NAALAD2: variants seen among roughly 807,000 people sequenced by gnomAD.
NAALAD2 encodes the protein N-acetylated alpha-linked acidic dipeptidase 2.
In NAALAD2, 89 loss-of-function variants were observed where a neutral mutation model predicts 95.6. The ratio of observed to expected loss-of-function variants is 0.93; its 90% CI spans 0.78 to 1.11. The LOEUF (loss-of-function observed/expected upper bound fraction) is 1.11. Among genes scored for constraint, NAALAD2 ranks in the 50% least tolerant of loss-of-function variants. The probability of loss-of-function intolerance (pLI) is 0.00; values close to 1 mark genes in which losing one functional copy is unlikely to be tolerated. For synonymous variants in NAALAD2, 264 were observed against 294.4 expected, an observed-to-expected ratio of 0.90 and a Z score of 1.06; for missense variants, 894 against 872.4, an observed-to-expected ratio of 1.02 and a Z score of -0.31.
At chr11:90,139,066 G>A (rs1455806713) in intron 2 of NAALAD2, among the ~76,000 whole-genome samples, 19 of 152,016 alleles carry the variant, frequency 1.2e-4, no homozygotes, top group Admixed American at 1.2e-3. Context: ...GTGTTTGGGG[G>A]TAAGTAGACT....
chr11:90,148,600 A>C (rs1480674179), intron 3 of NAALAD2, among the ~76,000 whole-genome samples: 1 of 152,192 alleles, frequency 6.6e-6, no homozygotes, highest in African/African-American at 2.4e-5. Context: ...TCTGATACTT[A>C]ATGAAGTGTC....
At chr11:90,178,914 A>G (rs966262921) in intron 16 of NAALAD2, among the ~76,000 whole-genome samples, 5 of 152,150 alleles carry the variant, frequency 3.3e-5, no homozygotes, top group South Asian at 2.1e-4. Flanking sequence ...TGCATCTCCT[A>G]TACAGCAAGG....
chr11:90,188,785 G>T (rs913505157), intron 18 of NAALAD2, among the ~76,000 whole-genome samples: 4 of 152,174 alleles, frequency 2.6e-5, no homozygotes, highest in African/African-American at 9.7e-5. Flanking sequence ...AGGCAAATAA[G>T]TAATAAATCC....
intron 14 of NAALAD2, 119 bp from the exon 15 acceptor site, chr11:90,175,853 A>G (rs1952774500): frequency 1.1e-5 from 5 of 473,654 alleles, no homozygotes; most frequent in Non-Finnish European, 1.8e-5. Context: ...TTATAAATGT[A>G]ATATATAATT....
chr11:90,150,555 GTAC>G lies in NAALAD2; in HGVS notation c.559_561del (p.Thr187del). ...CTAGAAAGAGAGATGGGCATCAACT[GTAC>G]TGGGAAGATTGTTATTGCAAGATAT... is the stretch of plus-strand genomic sequence containing the variant. On this transcript the variant is annotated inframe_deletion, in exon 5 of 19. Transcript: ENST00000534061. 6.2e-7 allele frequency: 1 copy of G among 1,608,046 alleles called. No individual in the cohort carries two copies. The highest frequency in any genetic ancestry group is 8.5e-7 in the Non-Finnish European group (1 of 1,175,600).
At chr11:90,144,105 T>C (rs768897486) in intron 2 of NAALAD2, among the ~76,000 whole-genome samples, 6 of 152,072 alleles carry the variant, frequency 3.9e-5, no homozygotes, top group Non-Finnish European at 8.8e-5. Flanking sequence ...GAACATCACT[T>C]GAAGAGAGAT....
chr11:90,191,926 A>G lies in NAALAD2; in HGVS notation c.*179A>G, dbSNP rs1458958436. ...TTTTGCTCTTTAAAAGTTAATAATT[A>G]TATTAGCAAAGTGTTAATCTAATGA... On this transcript the variant is annotated 3_prime_UTR_variant, in exon 19 of 19. Coordinates refer to ENST00000534061, the MANE Select transcript of NAALAD2 (RefSeq NM_005467.4). 3 of 381,046 alleles carry G rather than the reference A, an allele frequency of 7.9e-6. No individual in the cohort carries two copies. Among genetic ancestry groups the G allele is most frequent in the African/African-American group, 4.2e-5 (2 of 48,148 alleles). The allele number at this position is 381,046 out of a possible 1,614,324, so 23.6% of individuals were successfully genotyped here.
At chr11:90,173,137 A>T (rs116387645) in intron 13 of NAALAD2, among the ~76,000 whole-genome samples, 2 of 152,180 alleles carry the variant, frequency 1.3e-5, no homozygotes, top group Admixed American at 1.3e-4. Context: ...CAAGGCAAGT[A>T]TAAGTTTGTA....
intron 9 of NAALAD2, 58 bp downstream of exon 9, chr11:90,163,092 AGAT>A: frequency 7.4e-7 from 1 of 1,350,396 alleles, no homozygotes. Flanking sequence ...GGGTAAGTAA[AGAT>A]AAATTGTAGT....
At chr11:90,133,322 A>G (rs1295936737), upstream of NAALAD2, among the ~76,000 whole-genome samples, 1 of 152,184 alleles carries the variant, frequency 6.6e-6, no homozygotes, top group African/African-American at 2.4e-5. Flanking sequence ...GATGAAGGCT[A>G]TTTACAATGG....
intron 18 of NAALAD2, among the ~76,000 whole-genome samples, chr11:90,188,307 TTAAAA>T (rs569331738): frequency 5.4e-4 from 83 of 152,336 alleles, no homozygotes; most frequent in African/African-American, 1.9e-3. Context: ...TGTACATATT[TTAAAA>T]TAAAATGTTA....
At position 90,150,557 on chromosome 11, in the gene NAALAD2, A is replaced by G. The variant is rs1951863141; in HGVS notation, c.559A>G (p.Thr187Ala). ...AGAAAGAGAGATGGGCATCAACTGT[A>G]CTGGGAAGATTGTTATTGCAAGATA... ...KLEREMGINCTGKIVIARYGK... is the reference protein window; with the variant it reads ...KLEREMGINCAGKIVIARYGK... Residue 187 changes from threonine to alanine, a missense_variant, in exon 5 of 19, where the codon ACT becomes GCT. By Grantham distance (58) the Thr-to-Ala change is moderately conservative. Transcript: ENST00000534061. 3.7e-6 allele frequency: 6 copies of G among 1,608,610 alleles called. No individual in the cohort carries two copies. Among genetic ancestry groups the G allele is most frequent in the Non-Finnish European group, 5.1e-6 (6 of 1,175,894 alleles).
chr11:90,161,532 G>T (rs944395825), intron 8 of NAALAD2, among the ~76,000 whole-genome samples: 2 of 152,136 alleles, frequency 1.3e-5, no homozygotes, highest in Non-Finnish European at 2.9e-5. Context: ...TCTCCTCCCT[G>T]TGGAGCCTGC....
At chr11:90,169,219 A>G (rs554602339) in intron 12 of NAALAD2, 2 of 372,410 alleles carry the variant, frequency 5.4e-6, no homozygotes, top group Non-Finnish European at 9.5e-6. Flanking sequence ...TAACTAAGCT[A>G]TTGCTTTTAA....
At chr11:90,143,061 C>A (rs889723847) in intron 2 of NAALAD2, among the ~76,000 whole-genome samples, 1 of 151,894 alleles carries the variant, frequency 6.6e-6, no homozygotes, top group Admixed American at 6.6e-5. Flanking sequence ...GAAATATAAA[C>A]CTCAAAAAAT....
chr11:90,146,893 T>G (rs150190958), intron 2 of NAALAD2, among the ~76,000 whole-genome samples: 20 of 152,158 alleles, frequency 1.3e-4, no homozygotes, highest in African/African-American at 4.3e-4. Flanking sequence ...AATAAGCAAC[T>G]GCATACATGA....
At chr11:90,148,664 T>C (rs1440130719) in intron 3 of NAALAD2, among the ~76,000 whole-genome samples, 1 of 151,540 alleles carries the variant, frequency 6.6e-6, no homozygotes, top group African/African-American at 2.4e-5. Context: ...CATGGGGAAA[T>C]ATTATTTAAA....
At chr11:90,140,748 T>G (rs1339181581) in intron 2 of NAALAD2, among the ~76,000 whole-genome samples, 1 of 152,166 alleles carries the variant, frequency 6.6e-6, no homozygotes, top group Non-Finnish European at 1.5e-5. Context: ...TTTTTCTCTT[T>G]TTGGATCATG....
At chr11:90,166,243 TC>T (rs1952438916) in intron 11 of NAALAD2, among the ~76,000 whole-genome samples, 1 of 148,312 alleles carries the variant, frequency 6.7e-6, no homozygotes, top group Admixed American at 6.7e-5. Flanking sequence ...CTCAGCATGT[TC>T]CTCTCTGTCT....
Sources: gnomAD v4.1 joint callset for allele counts (sites outside exome capture counted in the v4.1 genomes callset) on GRCh38, gnomAD v4.1.1 for gene constraint, MANE v1.5 for transcripts, NCBI Gene and HGNC (gene_info 2026-07-23, HGNC 2026-07-21) for gene names.